The following DNAH14 variants were observed in gnomAD, a reference collection of about 807,000 sequenced individuals.
DNAH14 encodes dynein axonemal heavy chain 14.
A neutral mutation model predicts 520.9 loss-of-function variants in DNAH14; 478 were observed. The ratio of observed to expected loss-of-function variants is 0.92; its 90% CI spans 0.85 to 0.99. DNAH14 has a LOEUF of 0.99. Ranked by LOEUF, DNAH14 falls within the 50% of genes least tolerant of loss-of-function variation. The pLI is 0.00. For synonymous variants in DNAH14, 1,581 were observed against 1,757.2 expected (o/e 0.90, Z 2.51); for missense variants, 4,831 against 5,234.5 (o/e 0.92, Z 2.38).
rs200564541 is a variant in DNAH14, at chr1:225,389,937, GTCAC to G, written c.13330+69_13330+72del. Reference sequence around the variant, plus strand: ...AGGCAAGTTTGCACTCAGTCCTTCTGTCACTCACCCTTTCCTCCTCCCCTTTAGG... The same window carrying G: ...AGGCAAGTTTGCACTCAGTCCTTCTGTCACCCTTTCCTCCTCCCCTTTAGG... On this transcript the variant is annotated intron_variant, in intron 83 of 85. Transcript: ENST00000682510. 2.7e-3 allele frequency: 3,878 copies of G among 1,445,020 alleles called. 86 individuals carry two copies. The African/African-American group carries it at 0.048, about 18-fold the overall frequency. The allele number at this position is 1,445,020 out of a possible 1,614,324, so 89.5% of individuals were successfully genotyped here. A position where few individuals can be genotyped will look rare whatever the true frequency, so the allele number is the denominator to read the frequency against.
At chr1:224,985,112 C>T (rs1369291241) in intron 8 of DNAH14, among the ~76,000 whole-genome samples, 1 of 152,210 alleles carries the variant, frequency 6.6e-6, no homozygotes, top group Non-Finnish European at 1.5e-5. Context: ...AATCCCACTA[C>T]TGGGTATCTA....
At chr1:225,308,710 C>A (rs776526881) in intron 60 of DNAH14, among the ~76,000 whole-genome samples, 3 of 152,212 alleles carry the variant, frequency 2.0e-5, no homozygotes, top group Non-Finnish European at 4.4e-5. Flanking sequence ...CACGTTTGGC[C>A]TTCAAGAGTA....
At chr1:224,990,556 T>C (rs542215043) in intron 8 of DNAH14, among the ~76,000 whole-genome samples, 30 of 152,204 alleles carry the variant, frequency 2.0e-4, no homozygotes, top group Non-Finnish European at 4.3e-4. Flanking sequence ...AGAACATGTG[T>C]CATTTGTTTT....
intron 54 of DNAH14, among the ~76,000 whole-genome samples, chr1:225,286,368 T>A (rs765836227): frequency 1.3e-5 from 2 of 152,180 alleles, no homozygotes; most frequent in Non-Finnish European, 2.9e-5. Flanking sequence ...AATTTGATTA[T>A]TATACATTAT....
chr1:225,174,380 GAT>G, intron 36 of DNAH14, among the ~76,000 whole-genome samples: 1 of 152,042 alleles, frequency 6.6e-6, no homozygotes, highest in East Asian at 1.9e-4. Context: ...TATAGATGAT[GAT>G]ATATGTTTTG....
At chr1:224,993,779 A>C (rs894211579) in intron 8 of DNAH14, among the ~76,000 whole-genome samples, 4 of 151,764 alleles carry the variant, frequency 2.6e-5, no homozygotes, top group African/African-American at 9.7e-5. Flanking sequence ...TAAGTTGTTT[A>C]TTTGAGATCT....
chr1:225,108,384 G>T (rs142980962), intron 23 of DNAH14, among the ~76,000 whole-genome samples: 1 of 152,104 alleles, frequency 6.6e-6, no homozygotes, highest in East Asian at 1.9e-4. Flanking sequence ...CCTTGTGACC[G>T]TGTAAGTCAA....
intron 35 of DNAH14, among the ~76,000 whole-genome samples, chr1:225,161,977 G>A (rs996791543): frequency 2.0e-5 from 3 of 152,058 alleles, no homozygotes; most frequent in Admixed American, 2.0e-4. Context: ...TTTGTTGATT[G>A]CATCCTTTGC....
chr1:224,942,563 G>A (rs2059496673), intron 1 of DNAH14, among the ~76,000 whole-genome samples: 1 of 150,706 alleles, frequency 6.6e-6, no homozygotes, highest in Non-Finnish European at 1.5e-5. Flanking sequence ...TGGTGAGAGA[G>A]GGCATCCCTG....
chr1:224,963,509 G>T (rs764614964), intron 4 of DNAH14, among the ~76,000 whole-genome samples: 2 of 151,692 alleles, frequency 1.3e-5, no homozygotes, highest in Non-Finnish European at 2.9e-5. Flanking sequence ...TTGAATAATC[G>T]CTCTGTTGAT....
intron 77 of DNAH14, among the ~76,000 whole-genome samples, chr1:225,368,792 A>G (rs2095583405): frequency 6.6e-6 from 1 of 152,144 alleles, no homozygotes. Context: ...TATGTCTTCT[A>G]TATGTTTCCA....
chr1:225,086,835 G>T (rs2073862978), intron 21 of DNAH14, among the ~76,000 whole-genome samples: 1 of 152,106 alleles, frequency 6.6e-6, no homozygotes, highest in South Asian at 2.1e-4. Context: ...TTAAAATTTA[G>T]AAGTAAGGAA....
At position 225,399,118 on chromosome 1, in the gene DNAH14, C is replaced by A. The variant is rs944437030; in HGVS notation, c.13703C>A (p.Pro4568Gln). 2 of 1,551,802 alleles carry A rather than the reference C, an allele frequency of 1.3e-6. No individual in the cohort carries two copies. Among genetic ancestry groups the A allele is most frequent in the Non-Finnish European group, 1.7e-6 (2 of 1,147,042 alleles). The part of the protein sequence containing the change: ...TDSELYAFEC[P>Q]VYQTPERSRI... ...TCAGAACTCTATGCTTTTGAATGCC[C>A]AGTTTACCAGACACCTGAGAGGTCA... The change falls in exon 86 of 86, where the codon CCA becomes CAA. Residue 4568 changes from proline to glutamine, a missense_variant. Physicochemically the swap from Pro to Gln is moderately conservative, Grantham distance 76. Coordinates refer to ENST00000682510, the MANE Select transcript of DNAH14 (RefSeq NM_001367479.1).
Position 224,944,572 on chromosome 1 carries a change from A to G in DNAH14, c.-33-8098A>G, listed in dbSNP as rs542835021. On this transcript the variant is annotated intron_variant, in intron 1 of 85. Transcript: ENST00000682510. ...GTTTATTTTGCTCGTTAGTTGATGA[A>G]GTTTCTTCCTAGCCTCAATGGTCTT... 6.5e-4 allele frequency among the ~76,000 whole-genome samples: 99 copies of G among 152,218 alleles called. 3 individuals are homozygous for G. The South Asian group carries it at 0.019, about 30-fold the overall frequency.
chr1:225,346,450 C>T lies in DNAH14; in HGVS notation c.11098-6C>T, dbSNP rs928998908. ...ACTGGATTAATATGTTATATTTTCCCTATAGGTGGTTTCTTCAGCTCTATT... is the reference window on the plus strand; with the variant it reads ...ACTGGATTAATATGTTATATTTTCCTTATAGGTGGTTTCTTCAGCTCTATT... On this transcript the variant is annotated splice_polypyrimidine_tract_variant and splice_region_variant and intron_variant, in intron 70 of 85. Coordinates refer to ENST00000682510, the MANE Select transcript of DNAH14 (RefSeq NM_001367479.1). The T allele has an allele frequency of 2.6e-6, 4 of 1,544,346 alleles. No homozygotes were observed. The highest frequency in any genetic ancestry group is 3.5e-6 in the Non-Finnish European group (4 of 1,145,318).
chr1:225,187,779 A>G (rs2084930355), intron 37 of DNAH14, among the ~76,000 whole-genome samples: 1 of 151,756 alleles, frequency 6.6e-6, no homozygotes, highest in Non-Finnish European at 1.5e-5. Context: ...GTCTTTGTCC[A>G]TTTTTAAATT....
At chr1:224,937,504 G>T (rs1257450831) in intron 1 of DNAH14, among the ~76,000 whole-genome samples, 1 of 151,872 alleles carries the variant, frequency 6.6e-6, no homozygotes, top group Non-Finnish European at 1.5e-5. Context: ...TCAAAGAAAT[G>T]AAAGTTCTAT....
rs2501113 is a variant in DNAH14 at position 225,024,232 on chromosome 1, G to A, written c.1358+367G>A. On this transcript the variant is annotated intron_variant, in intron 11 of 85. Transcript: ENST00000682510. ...GTGCCTAAGTATACTCTGTCTTCCA[G>A]GTTCAGAGTTAGTTTTTAAAGATAT... The A allele has an allele frequency of 0.98, 965,175 of 986,796 alleles. 475,083 individuals carry two copies. The highest frequency in any genetic ancestry group is 1 in the East Asian group (8,945 of 8,946). 61.1% of individuals were successfully genotyped at this position (986,796 alleles called of 1,614,324 possible). A position where few individuals can be genotyped will look rare whatever the true frequency, so the allele number is the denominator to read the frequency against.
At chr1:225,179,217 G>A (rs554550174) in intron 36 of DNAH14, among the ~76,000 whole-genome samples, 1 of 152,042 alleles carries the variant, frequency 6.6e-6, no homozygotes, top group Admixed American at 6.6e-5. Context: ...TTACATTTGA[G>A]GTTATTATTG....
Sources: gnomAD v4.1 joint callset for allele counts (sites outside exome capture counted in the v4.1 genomes callset) on GRCh38, gnomAD v4.1.1 for gene constraint, MANE v1.5 for transcripts, NCBI Gene and HGNC (gene_info 2026-07-23, HGNC 2026-07-21) for gene names.